GTF2F2: variants seen among roughly 807,000 people sequenced by gnomAD.
GTF2F2 encodes ATP-dependent helicase GTF2F2.
Under a neutral mutation model 42.2 loss-of-function variants are expected in GTF2F2, and 23 were observed. That is an observed-to-expected ratio of 0.55 (90% CI 0.39 to 0.77). The LOEUF is 0.77. GTF2F2 is among the 30% of genes least tolerant of loss of function. The pLI is 0.00. For synonymous variants in GTF2F2, 105 were observed against 100.8 expected, an observed-to-expected ratio of 1.04 and a Z score of -0.25; for missense variants, 261 against 287.2, an observed-to-expected ratio of 0.91 and a Z score of 0.66.
chr13:45,140,064 G>A (rs942661486), intron 2 of GTF2F2, among the ~76,000 whole-genome samples: 1 of 150,980 alleles, frequency 6.6e-6, no homozygotes, highest in African/African-American at 2.4e-5. Flanking sequence ...TTTGAAACAG[G>A]GTCTCACTCT....
intron 5 of GTF2F2, among the ~76,000 whole-genome samples, chr13:45,225,403 C>A (rs1874293643): frequency 6.6e-6 from 1 of 151,996 alleles, no homozygotes; most frequent in South Asian, 2.1e-4. Context: ...CTTTAAATAT[C>A]ATTTCTTATT....
chr13:45,173,289 T>C (rs1004275202), intron 4 of GTF2F2, among the ~76,000 whole-genome samples: 2 of 152,148 alleles, frequency 1.3e-5, no homozygotes, highest in African/African-American at 2.4e-5. Context: ...CATGGTACTA[T>C]ACAAACCACT....
At chr13:45,171,379 T>C (rs906635236) in intron 4 of GTF2F2, among the ~76,000 whole-genome samples, 5 of 152,090 alleles carry the variant, frequency 3.3e-5, no homozygotes, top group Admixed American at 3.3e-4. Context: ...TAAAACCATA[T>C]CTTGACTTTA....
intron 4 of GTF2F2, among the ~76,000 whole-genome samples, chr13:45,156,855 G>A (rs953160337): frequency 1.2e-4 from 18 of 152,194 alleles, no homozygotes; most frequent in Non-Finnish European, 2.4e-4. Flanking sequence ...CTTTGTAGCA[G>A]TTCATTAATT....
At chr13:45,194,678 A>G (rs1037100601) in intron 4 of GTF2F2, 1 of 1,000,630 alleles carries the variant, frequency 1.0e-6, no homozygotes, top group African/African-American at 1.6e-5. Flanking sequence ...ATGGAATGGA[A>G]ACGCTGGCAG....
At chr13:45,143,445 T>G (rs1014172152) in intron 2 of GTF2F2, among the ~76,000 whole-genome samples, 16 of 152,214 alleles carry the variant, frequency 1.1e-4, no homozygotes, top group African/African-American at 3.6e-4. Context: ...TTTCCTCATC[T>G]GAGGAGATGA....
intron 4 of GTF2F2, among the ~76,000 whole-genome samples, chr13:45,187,394 A>G (rs1468329015): frequency 1.3e-5 from 2 of 152,212 alleles, no homozygotes; most frequent in Non-Finnish European, 2.9e-5. Flanking sequence ...ACATTTCTGC[A>G]TTGTTAGAAA....
intron 2 of GTF2F2, among the ~76,000 whole-genome samples, chr13:45,147,226 A>G (rs909723227): frequency 2.0e-5 from 3 of 152,142 alleles, no homozygotes; most frequent in East Asian, 1.9e-4. Context: ...AGTTTTAACA[A>G]TTTAATGACC....
intron 4 of GTF2F2, among the ~76,000 whole-genome samples, chr13:45,184,618 A>G (rs1287279520): frequency 2.0e-5 from 3 of 151,804 alleles, no homozygotes; most frequent in Non-Finnish European, 2.9e-5. Context: ...CCAAAACACC[A>G]CTGTTTGATG....
intron 5 of GTF2F2, among the ~76,000 whole-genome samples, chr13:45,235,338 C>A (rs1383204010): frequency 6.6e-6 from 1 of 151,984 alleles, no homozygotes; most frequent in Non-Finnish European, 1.5e-5. Flanking sequence ...TTAATGAATA[C>A]ATTTCAATTC....
chr13:45,251,116 A>G (rs1875859039), intron 5 of GTF2F2, among the ~76,000 whole-genome samples: 1 of 152,182 alleles, frequency 6.6e-6, no homozygotes, highest in African/African-American at 2.4e-5. Context: ...AACAAAACCT[A>G]TGGCATTTTT....
chr13:45,135,957 A>G (rs754516185), intron 1 of GTF2F2, among the ~76,000 whole-genome samples: 1 of 152,250 alleles, frequency 6.6e-6, no homozygotes. Context: ...GATTCAGCAT[A>G]TATCATCCAC....
rs1245230986 is a variant in GTF2F2 at position 45,284,749 on chromosome 13, G to T, written c.*1188G>T. 1 of 152,136 alleles carries T rather than the reference G, an allele frequency of 6.6e-6. No homozygotes were observed. Among genetic ancestry groups the T allele is most frequent in the South Asian group, 2.1e-4 (1 of 4,828 alleles). The allele number at this position is 152,136 out of a possible 1,614,324, so 9.4% of individuals were successfully genotyped here. On this transcript the variant is annotated 3_prime_UTR_variant, in exon 8 of 8. Coordinates refer to ENST00000340473, the MANE Select transcript of GTF2F2 (RefSeq NM_004128.3). ...TTGAAGAAAATATTATATAATTAAAGCAAGAAGATATCTATCCATTGAGAA... is the reference window on the plus strand; with the variant it reads ...TTGAAGAAAATATTATATAATTAAATCAAGAAGATATCTATCCATTGAGAA...
chr13:45,223,749 G>A (rs1187611152), intron 5 of GTF2F2, among the ~76,000 whole-genome samples: 9 of 152,146 alleles, frequency 5.9e-5, no homozygotes, highest in African/African-American at 2.2e-4. Flanking sequence ...ACAGTACTGT[G>A]CTATACAGTC....
At chr13:45,209,615 G>A (rs1873553264) in intron 5 of GTF2F2, among the ~76,000 whole-genome samples, 1 of 152,102 alleles carries the variant, frequency 6.6e-6, no homozygotes, top group African/African-American at 2.4e-5. Flanking sequence ...TTAGGGACCT[G>A]TGTGTGGTTC....
chr13:45,199,638 ACTCATTTTTATAGTG>A (rs1191692588), intron 4 of GTF2F2, among the ~76,000 whole-genome samples: 1 of 152,156 alleles, frequency 6.6e-6, no homozygotes, highest in Non-Finnish European at 1.5e-5. Context: ...ATTGTACAGA[ACTCATTTTTATAGTG>A]CTATTTGGCA....
At chr13:45,143,240 GGTTTATA>G (rs1372314851) in intron 2 of GTF2F2, among the ~76,000 whole-genome samples, 1 of 152,118 alleles carries the variant, frequency 6.6e-6, no homozygotes, top group Non-Finnish European at 1.5e-5. Flanking sequence ...TAAGTATGTA[GGTTTATA>G]GGTTATAGGT....
chr13:45,218,697 G>A (rs1158432988), intron 5 of GTF2F2, among the ~76,000 whole-genome samples: 1 of 152,198 alleles, frequency 6.6e-6, no homozygotes, highest in African/African-American at 2.4e-5. Flanking sequence ...GATACCACAT[G>A]TTCTTTGTTC....
chr13:45,147,127 A>G (rs1316091534), intron 2 of GTF2F2, among the ~76,000 whole-genome samples: 3 of 152,138 alleles, frequency 2.0e-5, no homozygotes, highest in Non-Finnish European at 4.4e-5. Flanking sequence ...CCCTGATTGC[A>G]TCTAGTTACC....
Sources: gnomAD v4.1 joint callset for allele counts (sites outside exome capture counted in the v4.1 genomes callset) on GRCh38, gnomAD v4.1.1 for gene constraint, MANE v1.5 for transcripts, NCBI Gene and HGNC (gene_info 2026-07-23, HGNC 2026-07-21) for gene names.